Variants in RNF145 observed in about 807,000 individuals in gnomAD.
The protein encoded by RNF145 is ring finger protein 145.
In RNF145, 12 loss-of-function variants were observed where a neutral mutation model predicts 57.3. The ratio of observed to expected loss-of-function variants is 0.21; its 90% CI spans 0.13 to 0.34. The LOEUF (loss-of-function observed/expected upper bound fraction) is 0.34. Ranked by LOEUF, RNF145 falls within the 10% of genes least tolerant of loss-of-function variation. RNF145 has a pLI of 1.00. For synonymous variants in RNF145, 262 were observed against 288.3 expected, an observed-to-expected ratio of 0.91 and a Z score of 0.92; for missense variants, 429 against 799.0, an observed-to-expected ratio of 0.54 and a Z score of 5.58.
In RNF145 at chr5:159,167,100, T is replaced by C. The variant is rs182272558; in HGVS notation, c.1121+1773A>G. Among the ~76,000 whole-genome samples the C allele has an allele frequency of 1.5e-3, 231 of 152,360 alleles. 1 individual carries two copies. Among genetic ancestry groups the C allele is most frequent in the African/African-American group, 5.2e-3 (217 of 41,578 alleles). On this transcript the variant is annotated intron_variant, in intron 8 of 10. Transcript: ENST00000424310. ...AACTGTTATAGAACTATTCAACTTT[T>C]TAGTTCTTGAGTCAGTTGTGGTAAG...
At chr5:159,169,959 C>T (rs1438825975) in intron 6 of RNF145, 140 bp from the exon 7 acceptor site, 2 of 597,346 alleles carry the variant, frequency 3.3e-6, no homozygotes, top group Admixed American at 3.7e-5. Context: ...GGAGAAATCA[C>T]CCAATTACTC....
intron 8 of RNF145, among the ~76,000 whole-genome samples, chr5:159,166,179 T>G (rs910382063): frequency 1.3e-5 from 2 of 152,210 alleles, no homozygotes; most frequent in Non-Finnish European, 2.9e-5. Flanking sequence ...TCCCTTATCA[T>G]GAATGATGCT....
chr5:159,162,949 T>A lies in RNF145; in HGVS notation c.1252A>T (p.Ile418Phe), dbSNP rs568491351. ...FWLLIIISSSILTSLQVLGTL... is the reference protein window; with the variant it reads ...FWLLIIISSSFLTSLQVLGTL... Reference sequence around the variant, plus strand: ...AGGCTTACCTGAAGAGAGGTAAGAATGCTGCTGGAAATAATGATAAGAAGC... The same window carrying A: ...AGGCTTACCTGAAGAGAGGTAAGAAAGCTGCTGGAAATAATGATAAGAAGC... The change falls in exon 9 of 11, where the codon ATT becomes TTT. Residue 418 changes from isoleucine (I) to phenylalanine (F), a missense_variant. Ile to Phe is a conservative substitution (Grantham distance 21). Coordinates refer to ENST00000424310, the MANE Select transcript of RNF145 (RefSeq NM_001199383.2). 6.2e-7 allele frequency: 1 copy of A among 1,610,184 alleles called. No homozygotes were observed. Among genetic ancestry groups the A allele is most frequent in the East Asian group, 2.2e-5 (1 of 44,858 alleles).
intron 3 of RNF145, among the ~76,000 whole-genome samples, chr5:159,183,894 G>C (rs1450693702): frequency 6.6e-6 from 1 of 152,158 alleles, no homozygotes; most frequent in Non-Finnish European, 1.5e-5. Flanking sequence ...AAATGTTTTA[G>C]AATTAGATAA....
At chr5:159,163,887 C>G (rs1222455066) in intron 8 of RNF145, among the ~76,000 whole-genome samples, 2 of 152,182 alleles carry the variant, frequency 1.3e-5, no homozygotes, top group Non-Finnish European at 2.9e-5. Context: ...ATCATGCTCT[C>G]CATTTCTCTA....
intron 1 of RNF145, among the ~76,000 whole-genome samples, chr5:159,204,827 A>AAAAAG (rs147292059): frequency 2.8e-5 from 3 of 105,668 alleles, no homozygotes; most frequent in African/African-American, 8.1e-5. Flanking sequence ...AAAAAAAAAA[A>AAAAAG]GCAAACAAAA....
intron 3 of RNF145, among the ~76,000 whole-genome samples, chr5:159,182,306 A>G (rs1442695669): frequency 6.6e-6 from 1 of 152,084 alleles, no homozygotes; most frequent in Non-Finnish European, 1.5e-5. Context: ...CTTTCTTTTC[A>G]TGGCCTTATT....
At chr5:159,163,558 C>T (rs188074656) in intron 8 of RNF145, among the ~76,000 whole-genome samples, 10 of 152,262 alleles carry the variant, frequency 6.6e-5, no homozygotes, top group Non-Finnish European at 1.3e-4. Flanking sequence ...TATACTCATC[C>T]TCACATCTGT....
Position 159,209,531 on chromosome 5 carries a change from T to C in RNF145, c.-340A>G, listed in dbSNP as rs1786034177. ...GGCGGCCATGGCCTCCTGCGTTTGC[T>C]CCTCCCGCCCCCGGCGCTCTGCGGC... On this transcript the variant is annotated 5_prime_UTR_variant, in exon 1 of 11. Coordinates refer to ENST00000424310, the MANE Select transcript of RNF145 (RefSeq NM_001199383.2). 2 of 418,228 alleles carry C rather than the reference T, an allele frequency of 4.8e-6. No individual in the cohort carries two copies. Among genetic ancestry groups the C allele is most frequent in the Non-Finnish European group, 5.7e-6 (2 of 348,600 alleles). The allele number at this position is 418,228 out of a possible 1,614,324, so 25.9% of individuals were successfully genotyped here. A position where few individuals can be genotyped will look rare whatever the true frequency, so the allele number is the denominator to read the frequency against.
intron 8 of RNF145, among the ~76,000 whole-genome samples, chr5:159,166,570 T>C (rs1205008326): frequency 2.0e-5 from 3 of 152,244 alleles, no homozygotes; most frequent in African/African-American, 4.8e-5. Flanking sequence ...AGTGTTTTTC[T>C]AGCTTCATTA....
At chr5:159,201,814 C>T (rs1221634542) in intron 2 of RNF145, among the ~76,000 whole-genome samples, 1 of 152,050 alleles carries the variant, frequency 6.6e-6, no homozygotes, top group Non-Finnish European at 1.5e-5. Context: ...GAGAACTCAG[C>T]GAATGAGTAA....
intron 8 of RNF145, among the ~76,000 whole-genome samples, chr5:159,167,346 G>A (rs914119398): frequency 1.1e-4 from 17 of 152,024 alleles, no homozygotes; most frequent in African/African-American, 3.6e-4. Context: ...AAAGTACCCC[G>A]GCCCACATAC....
intron 3 of RNF145, among the ~76,000 whole-genome samples, chr5:159,194,091 G>A (rs1406606571): frequency 6.6e-6 from 1 of 152,166 alleles, no homozygotes; most frequent in Non-Finnish European, 1.5e-5. Flanking sequence ...TATGGCTAAA[G>A]AGATAGAAGG....
chr5:159,168,863 G>A lies in RNF145; in HGVS notation c.1121+10C>T. ...TGAGTTAATTTAAAGAATATTAAGA[G>A]GTTTCTTACTTGTCTCTAGATGCTC... On this transcript the variant is annotated intron_variant, in intron 8 of 10. Coordinates refer to ENST00000424310, the MANE Select transcript of RNF145 (RefSeq NM_001199383.2). 4 of 1,483,966 alleles carry A rather than the reference G, an allele frequency of 2.7e-6. No individual in the cohort carries two copies. The highest frequency in any genetic ancestry group is 3.6e-6 in the Non-Finnish European group (4 of 1,112,690). 91.9% of individuals were successfully genotyped at this position (1,483,966 alleles called of 1,614,324 possible).
intron 3 of RNF145, among the ~76,000 whole-genome samples, chr5:159,189,376 G>A (rs979967738): frequency 6.6e-5 from 10 of 152,218 alleles, no homozygotes; most frequent in South Asian, 4.1e-4. Context: ...TTAGCCATCA[G>A]GGAAATGCAA....
upstream of RNF145, chr5:159,209,969 C>T (rs1786055765): frequency 4.1e-6 from 6 of 1,462,278 alleles, no homozygotes; most frequent in Admixed American, 9.8e-5. Context: ...CTGTAAACTC[C>T]TTGGCGTCTG....
intron 6 of RNF145, among the ~76,000 whole-genome samples, chr5:159,173,780 G>C (rs1309121543): frequency 1.3e-5 from 2 of 152,098 alleles, no homozygotes; most frequent in Non-Finnish European, 2.9e-5. Flanking sequence ...CTGGTCCATA[G>C]TGCAGCCAAA....
upstream of RNF145, chr5:159,210,038 G>C: frequency 1.4e-6 from 1 of 692,570 alleles, no homozygotes; most frequent in Non-Finnish European, 2.5e-6. Context: ...TGGAGTAAGT[G>C]ACTGGATGAA....
In RNF145 at chr5:159,209,327, C is replaced by T. The variant is rs1786022305; in HGVS notation, c.-136G>A. ...CGCCCGCCCTCCCGTTCTCCTCGGG[C>T]GGCGGCGGGGGCCGGTACGGCACGG... On this transcript the variant is annotated 5_prime_UTR_variant, in exon 1 of 11. Coordinates refer to ENST00000424310, the MANE Select transcript of RNF145 (RefSeq NM_001199383.2). 1 of 985,694 alleles carries T rather than the reference C, an allele frequency of 1.0e-6. No homozygotes were observed. The highest frequency in any genetic ancestry group is 4.6e-5 in the South Asian group (1 of 21,558). The allele number at this position is 985,694 out of a possible 1,614,324, so 61.1% of individuals were successfully genotyped here. A position where few individuals can be genotyped will look rare whatever the true frequency, so the allele number is the denominator to read the frequency against.
Sources: gnomAD v4.1 joint callset for allele counts (sites outside exome capture counted in the v4.1 genomes callset) on GRCh38, gnomAD v4.1.1 for gene constraint, MANE v1.5 for transcripts, NCBI Gene and HGNC (gene_info 2026-07-23, HGNC 2026-07-21) for gene names.